DCC: variants seen among roughly 807,000 people sequenced by gnomAD.
DCC encodes DCC netrin 1 receptor, also known as netrin receptor DCC.
DCC carries 58 observed loss-of-function variants against 172.5 expected under a neutral mutation model. That is an observed-to-expected ratio of 0.34 (90% CI 0.27 to 0.42). The LOEUF (loss-of-function observed/expected upper bound fraction) is 0.42, where lower values mean the gene tolerates loss of function less well. DCC is among the 10% of genes least tolerant of loss of function. The pLI is 1.00. For synonymous variants in DCC, 709 were observed against 644.5 expected, an observed-to-expected ratio of 1.10 and a Z score of -1.52; for missense variants, 1,740 against 1,791.0, an observed-to-expected ratio of 0.97 and a Z score of 0.51.
intron 1 of DCC, among the ~76,000 whole-genome samples, chr18:52,383,612 A>G (rs1413709656): frequency 1.3e-5 from 2 of 151,848 alleles, no homozygotes; most frequent in East Asian, 3.9e-4. Context: ...TATTTATGTC[A>G]TTTTGAAATT....
At chr18:52,366,194 T>C (rs951126219) in intron 1 of DCC, among the ~76,000 whole-genome samples, 3 of 152,184 alleles carry the variant, frequency 2.0e-5, no homozygotes, top group Non-Finnish European at 4.4e-5. Context: ...TTAGTACTAA[T>C]GTGTCCGGAA....
intron 2 of DCC, among the ~76,000 whole-genome samples, chr18:52,812,885 T>TA (rs902825467): frequency 1.3e-5 from 2 of 152,152 alleles, no homozygotes; most frequent in African/African-American, 4.8e-5. Flanking sequence ...CGCCTCTGGG[T>TA]AAAGATAGGC....
chr18:52,657,270 G>A (rs1156763335), intron 1 of DCC, among the ~76,000 whole-genome samples: 1 of 152,162 alleles, frequency 6.6e-6, no homozygotes, highest in Non-Finnish European at 1.5e-5. Flanking sequence ...CCAATTGGCT[G>A]CATCTCTTCC....
intron 1 of DCC, among the ~76,000 whole-genome samples, chr18:52,580,506 T>C (rs1284567448): frequency 6.6e-6 from 1 of 152,164 alleles, no homozygotes; most frequent in African/African-American, 2.4e-5. Flanking sequence ...AGGGACCCAG[T>C]TTTACTCCCT....
At chr18:53,320,315 G>T (rs565047470) in intron 13 of DCC, among the ~76,000 whole-genome samples, 1 of 151,864 alleles carries the variant, frequency 6.6e-6, no homozygotes, top group Non-Finnish European at 1.5e-5. Flanking sequence ...TTTGTGATCC[G>T]CCCGCCTCGG....
intron 7 of DCC, among the ~76,000 whole-genome samples, chr18:53,067,929 C>CG (rs2042597333): frequency 6.6e-6 from 1 of 152,184 alleles, no homozygotes; most frequent in East Asian, 1.9e-4. Context: ...GCACCCCAGC[C>CG]AGTTAGCTGA....
chr18:53,180,804 G>A (rs1324752312), intron 9 of DCC, among the ~76,000 whole-genome samples: 1 of 152,070 alleles, frequency 6.6e-6, no homozygotes, highest in African/African-American at 2.4e-5. Context: ...GTAGAGACGA[G>A]CTTTCACCAT....
rs1231110347 is a variant in DCC at position 53,486,780 on chromosome 18, A to G, written c.3737-17A>G. Reference sequence around the variant, plus strand: ...TACATAAGGTTCAAAAAACCCATTAACCTTTTTCTTTTGCAGCTGTCGTGA... The same window carrying G: ...TACATAAGGTTCAAAAAACCCATTAGCCTTTTTCTTTTGCAGCTGTCGTGA... On this transcript the variant is annotated splice_polypyrimidine_tract_variant and intron_variant, in intron 25 of 28. Transcript: ENST00000442544. 1 of 1,614,068 alleles carries G rather than the reference A, an allele frequency of 6.2e-7. No individual in the cohort carries two copies. The highest frequency in any genetic ancestry group is 1.7e-5 in the Admixed American group (1 of 60,018).
At chr18:52,589,999 T>C (rs1046909633) in intron 1 of DCC, among the ~76,000 whole-genome samples, 14 of 151,500 alleles carry the variant, frequency 9.2e-5, no homozygotes, top group Admixed American at 2.0e-4. Context: ...ATCTATGCTT[T>C]TTTTTAAAAA....
chr18:52,367,180 G>T (rs1984912164), intron 1 of DCC, among the ~76,000 whole-genome samples: 1 of 152,062 alleles, frequency 6.6e-6, no homozygotes, highest in South Asian at 2.1e-4. Flanking sequence ...GGCCAGCAGG[G>T]CTGGCCGACT....
At chr18:52,542,414 T>A (rs574709390) in intron 1 of DCC, among the ~76,000 whole-genome samples, 140 of 152,200 alleles carry the variant, frequency 9.2e-4, no homozygotes, top group Non-Finnish European at 1.7e-3. Context: ...AGCTATACAG[T>A]TGGAGAATCA....
At chr18:53,151,309 G>A (rs921974883) in intron 7 of DCC, among the ~76,000 whole-genome samples, 2 of 152,152 alleles carry the variant, frequency 1.3e-5, no homozygotes, top group African/African-American at 4.8e-5. Flanking sequence ...CTCTAGAATG[G>A]AACTCATTTG....
chr18:52,692,663 C>A (rs937530731), intron 1 of DCC, among the ~76,000 whole-genome samples: 1 of 152,078 alleles, frequency 6.6e-6, no homozygotes, highest in East Asian at 1.9e-4. Context: ...AACTCCTGGC[C>A]TCAAGTGATC....
At chr18:52,824,480 A>C (rs2038469697) in intron 2 of DCC, among the ~76,000 whole-genome samples, 1 of 152,180 alleles carries the variant, frequency 6.6e-6, no homozygotes, top group African/African-American at 2.4e-5. Flanking sequence ...TGATGGCTTT[A>C]AATCTGTATT....
intron 1 of DCC, among the ~76,000 whole-genome samples, chr18:52,601,883 A>C (rs182288963): frequency 2.6e-5 from 4 of 152,182 alleles, no homozygotes; most frequent in Admixed American, 1.3e-4. Context: ...GTCACTGGGC[A>C]CATTTTTCTG....
At chr18:53,145,866 T>C (rs191380084) in intron 7 of DCC, among the ~76,000 whole-genome samples, 145 of 152,338 alleles carry the variant, frequency 9.5e-4, no homozygotes, top group African/African-American at 3.4e-3. Context: ...GGGACTGATG[T>C]ACCTGCACCT....
chr18:52,686,898 G>A (rs772066604), intron 1 of DCC, among the ~76,000 whole-genome samples: 3 of 152,028 alleles, frequency 2.0e-5, no homozygotes, highest in African/African-American at 2.4e-5. Context: ...GAAAACATGG[G>A]CTGATCTGTG....
intron 1 of DCC, among the ~76,000 whole-genome samples, chr18:52,735,952 G>C (rs2036720976): frequency 6.6e-6 from 1 of 152,166 alleles, no homozygotes; most frequent in Non-Finnish European, 1.5e-5. Context: ...CAGTAGCTAA[G>C]AGGCAGTCTA....
chr18:53,410,300 G>GA (rs908490716), intron 19 of DCC, 152 bp from the exon 20 acceptor site: 25 of 626,642 alleles, frequency 4.0e-5, no homozygotes, highest in Admixed American at 1.3e-4. Context: ...CTTGCATTAT[G>GA]AAAAAAAGAC....
Sources: allele counts gnomAD v4.1 joint callset (sites outside exome capture counted in the v4.1 genomes callset), GRCh38; gene constraint gnomAD v4.1.1; transcripts MANE v1.5; gene names NCBI Gene and HGNC (gene_info 2026-07-23, HGNC 2026-07-21).